The following CTNNA3 variants were observed in gnomAD, a reference collection of about 807,000 sequenced individuals.
CTNNA3 encodes the protein catenin alpha-3.
In CTNNA3, 76 loss-of-function variants were observed where a neutral mutation model predicts 95.7. The ratio of observed to expected loss-of-function variants is 0.79; its 90% CI spans 0.66 to 0.96. The LOEUF (loss-of-function observed/expected upper bound fraction) is 0.96, where lower values mean the gene tolerates loss of function less well. CTNNA3 is among the 40% of genes least tolerant of loss of function. CTNNA3 has a pLI of 0.00. For missense variants in CTNNA3, 1,191 were observed against 1,089.8 expected (o/e 1.09, Z -1.31); for synonymous variants, 431 against 374.4 (o/e 1.15, Z -1.74).
At chr10:66,518,950 T>C (rs988561282) in intron 11 of CTNNA3, among the ~76,000 whole-genome samples, 1 of 152,168 alleles carries the variant, frequency 6.6e-6, no homozygotes, top group Middle Eastern at 3.5e-3. Context: ...TCTGGAATAA[T>C]TTTTCATTAT....
At chr10:66,078,277 A>G (rs2133631861) in intron 14 of CTNNA3, among the ~76,000 whole-genome samples, 1 of 152,082 alleles carries the variant, frequency 6.6e-6, no homozygotes, top group South Asian at 2.1e-4. Context: ...ATCAGATGCT[A>G]TTAACTGTCA....
At chr10:67,430,231 CCAAT>C (rs1564644139) in intron 5 of CTNNA3, among the ~76,000 whole-genome samples, 1 of 151,896 alleles carries the variant, frequency 6.6e-6, no homozygotes, top group African/African-American at 2.4e-5. Context: ...TCACAATTAC[CCAAT>C]TCAGCTCAAG....
chr10:67,437,990 T>G (rs1846363004), intron 5 of CTNNA3, among the ~76,000 whole-genome samples: 1 of 152,082 alleles, frequency 6.6e-6, no homozygotes, highest in South Asian at 2.1e-4. Flanking sequence ...AGCTTATAAT[T>G]ACTTTTTCTG....
intron 11 of CTNNA3, among the ~76,000 whole-genome samples, chr10:66,391,455 G>T (rs1293151129): frequency 6.6e-6 from 1 of 152,052 alleles, no homozygotes; most frequent in Non-Finnish European, 1.5e-5. Context: ...TCCTTTTAAT[G>T]TCCTGTTGAA....
rs1055586781 is a variant in CTNNA3, at chr10:66,924,442, A to G, written c.1048-148918T>C. ...TAAATAAAATGCCTCTACATGGCAG[A>G]TGTTATTATGTTCTACTTTGGAGAT... On this transcript the variant is annotated intron_variant, in intron 7 of 17. Transcript: ENST00000433211. 2.0e-5 allele frequency among the ~76,000 whole-genome samples: 3 copies of G among 152,234 alleles called. No homozygotes were observed. The East Asian group carries it at 5.8e-4, about 29-fold the overall frequency.
At chr10:66,157,468 A>G (rs79536884) in intron 13 of CTNNA3, among the ~76,000 whole-genome samples, 213 of 149,096 alleles carry the variant, frequency 1.4e-3, no homozygotes, top group African/African-American at 5.0e-3. Context: ...AGATAGATAG[A>G]CAGATGATAG....
intron 11 of CTNNA3, among the ~76,000 whole-genome samples, chr10:66,449,618 T>C (rs887751044): frequency 1.1e-4 from 16 of 152,242 alleles, no homozygotes; most frequent in Admixed American, 1.0e-3. Context: ...ATTTTTTGCC[T>C]TCTATAAATT....
At chr10:66,356,923 G>T (rs564518809) in intron 12 of CTNNA3, among the ~76,000 whole-genome samples, 213 of 151,936 alleles carry the variant, frequency 1.4e-3, no homozygotes, top group African/African-American at 4.9e-3. Flanking sequence ...ATTAATTTTT[G>T]AATTTTGAAC....
intron 5 of CTNNA3, among the ~76,000 whole-genome samples, chr10:67,250,717 A>G (rs965794408): frequency 1.3e-5 from 2 of 152,228 alleles, no homozygotes; most frequent in Non-Finnish European, 2.9e-5. Flanking sequence ...TCACATATGC[A>G]TGAAAGATAT....
intron 13 of CTNNA3, among the ~76,000 whole-genome samples, chr10:66,133,387 C>T (rs185922422): frequency 7.2e-4 from 110 of 151,848 alleles, no homozygotes; most frequent in Non-Finnish European, 1.4e-3. Context: ...TGGTGGCAGC[C>T]GCCTGTCATC....
chr10:66,294,353 G>A (rs2091740469), intron 12 of CTNNA3, among the ~76,000 whole-genome samples: 1 of 152,106 alleles, frequency 6.6e-6, no homozygotes, highest in Non-Finnish European at 1.5e-5. Context: ...AGGGGGTGAG[G>A]AGAAGCCCTA....
intron 9 of CTNNA3, among the ~76,000 whole-genome samples, chr10:66,671,163 C>A (rs1248343009): frequency 6.6e-6 from 1 of 152,096 alleles, no homozygotes; most frequent in Non-Finnish European, 1.5e-5. Flanking sequence ...TAAGTATTTA[C>A]TAGAGAAACA....
intron 5 of CTNNA3, among the ~76,000 whole-genome samples, chr10:67,407,399 G>A (rs1359051068): frequency 2.0e-5 from 3 of 152,018 alleles, no homozygotes; most frequent in South Asian, 2.1e-4. Context: ...CAATAAACTC[G>A]GTTTTGAAGG....
At chr10:67,414,226 C>T (rs182146290) in intron 5 of CTNNA3, among the ~76,000 whole-genome samples, 3 of 151,880 alleles carry the variant, frequency 2.0e-5, no homozygotes, top group Admixed American at 1.3e-4. Flanking sequence ...TCCAAATAAG[C>T]AAAATCAGAA....
At position 66,733,541 on chromosome 10, in the gene CTNNA3, T is replaced by C. The variant is rs747134053; in HGVS notation, c.1281+32723A>G. Among the ~76,000 whole-genome samples, 63 of 151,778 alleles carry C rather than the reference T, an allele frequency of 4.2e-4. 1 individual carries two copies. Among genetic ancestry groups the C allele is most frequent in the Non-Finnish European group, 7.8e-4 (53 of 67,868 alleles). ...ACACGAACACACACAAATATATATG[T>C]ATATATTTTTTATTTGTTTAATTTG... is the stretch of plus-strand genomic sequence containing the variant. On this transcript the variant is annotated intron_variant, in intron 9 of 17. Transcript: ENST00000433211.
chr10:66,707,133 A>C (rs1589150790), intron 9 of CTNNA3, among the ~76,000 whole-genome samples: 1 of 152,184 alleles, frequency 6.6e-6, no homozygotes, highest in East Asian at 1.9e-4. Context: ...CCCTTTAAAA[A>C]TTCCTTCTTT....
intron 7 of CTNNA3, among the ~76,000 whole-genome samples, chr10:67,167,556 AG>A (rs1412361495): frequency 6.6e-6 from 1 of 152,250 alleles, no homozygotes; most frequent in African/African-American, 2.4e-5. Context: ...CAAGAAGAAA[AG>A]TATTAAACTC....
intron 12 of CTNNA3, among the ~76,000 whole-genome samples, chr10:66,312,850 GC>G (rs1589070305): frequency 6.6e-6 from 1 of 152,144 alleles, no homozygotes; most frequent in East Asian, 1.9e-4. Flanking sequence ...CGGTGGGATT[GC>G]AGATTCTTTA....
At chr10:67,558,748 A>G (rs1398664371) in intron 3 of CTNNA3, among the ~76,000 whole-genome samples, 1 of 152,222 alleles carries the variant, frequency 6.6e-6, no homozygotes, top group Non-Finnish European at 1.5e-5. Context: ...GAAAGGGGTG[A>G]CAGATGGCAC....
Sources: gnomAD v4.1 joint callset for allele counts (sites outside exome capture counted in the v4.1 genomes callset) on GRCh38, gnomAD v4.1.1 for gene constraint, MANE v1.5 for transcripts, NCBI Gene and HGNC (gene_info 2026-07-23, HGNC 2026-07-21) for gene names.